Variants in HNF1B observed in about 807,000 individuals in gnomAD.
HNF1B encodes the protein hepatocyte nuclear factor 1-beta.
Under a neutral mutation model 61.7 loss-of-function variants are expected in HNF1B, and 8 were observed. That is an observed-to-expected ratio of 0.13 (90% CI 0.08 to 0.23). HNF1B has a LOEUF of 0.23. HNF1B is among the 10% of genes least tolerant of loss of function. The pLI is 1.00. For missense variants in HNF1B, 562 were observed against 714.5 expected (o/e 0.79, Z 2.43); for synonymous variants, 314 against 287.7 (o/e 1.09, Z -0.93).
intron 3 of HNF1B, among the ~76,000 whole-genome samples, 191 bp from the exon 4 acceptor site, chr17:37,732,021 G>A (rs535075088): frequency 6.6e-6 from 1 of 152,334 alleles, no homozygotes; most frequent in Admixed American, 6.5e-5. Flanking sequence ...GAAGATGGCT[G>A]AAGTGGGCCT....
chr17:37,701,911 T>C (rs1373081804), intron 6 of HNF1B, among the ~76,000 whole-genome samples: 1 of 152,226 alleles, frequency 6.6e-6, no homozygotes, highest in African/African-American at 2.4e-5. Flanking sequence ...CCCATCTTTC[T>C]GTTCTGGAGA....
At chr17:37,719,625 A>C (rs2033241721) in intron 4 of HNF1B, among the ~76,000 whole-genome samples, 1 of 152,220 alleles carries the variant, frequency 6.6e-6, no homozygotes, top group Non-Finnish European at 1.5e-5. Flanking sequence ...TATGGCTGCA[A>C]CAAAGGCCTC....
At chr17:37,723,209 T>C (rs1348687011) in intron 4 of HNF1B, among the ~76,000 whole-genome samples, 14 of 148,086 alleles carry the variant, frequency 9.5e-5, no homozygotes, top group Non-Finnish European at 1.5e-4. Context: ...TAGCCGGGCG[T>C]GGTGGTGGAC....
At chr17:37,717,832 G>C (rs1274992863) in intron 4 of HNF1B, among the ~76,000 whole-genome samples, 1 of 152,214 alleles carries the variant, frequency 6.6e-6, no homozygotes, top group Non-Finnish European at 1.5e-5. Flanking sequence ...ACTTTTGCTA[G>C]TTCTTATTAA....
chr17:37,691,750 T>C (rs1208516867), intron 8 of HNF1B, among the ~76,000 whole-genome samples: 4 of 152,162 alleles, frequency 2.6e-5, no homozygotes, highest in Non-Finnish European at 5.9e-5. Context: ...TGGTAGAATG[T>C]TGAGCCCAGA....
At chr17:37,717,511 A>G (rs113215785) in intron 4 of HNF1B, among the ~76,000 whole-genome samples, 1 of 152,238 alleles carries the variant, frequency 6.6e-6, no homozygotes, top group East Asian at 1.9e-4. Context: ...CATTGTTCAT[A>G]AATTATGAGT....
chr17:37,744,902 AG>A lies in HNF1B; in HGVS notation c.-19del. ...GACACCATTTTCCAAGGACGGAAAAAGAAGGGGGTGAGGGGGTGGGTGGGTG... is the reference window on the plus strand; with the variant it reads ...GACACCATTTTCCAAGGACGGAAAAAAAGGGGGTGAGGGGGTGGGTGGGTG... On this transcript the variant is annotated 5_prime_UTR_variant, in exon 1 of 9. Transcript: ENST00000617811. 3.1e-6 allele frequency: 2 copies of A among 652,588 alleles called. No homozygotes were observed. Among genetic ancestry groups the A allele is most frequent in the Non-Finnish European group, 5.4e-6 (2 of 369,820 alleles). 40.4% of individuals were successfully genotyped at this position (652,588 alleles called of 1,614,324 possible).
At chr17:37,714,858 T>C (rs1464213687) in intron 4 of HNF1B, among the ~76,000 whole-genome samples, 1 of 152,104 alleles carries the variant, frequency 6.6e-6, no homozygotes, top group Non-Finnish European at 1.5e-5. Flanking sequence ...GATATCTTTC[T>C]AAAACAAAGT....
Position 37,739,590 on chromosome 17 carries a change from G to A in HNF1B, c.394C>T (p.His132Tyr). ...ACCACCTCCCTCTGGGGGATGTTGT[G>A]TTGCTGCATGTAACCCTTGATCATT... ...AKMIKGYMQQ[H>Y]NIPQREVVDV... Residue 132 changes from histidine to tyrosine, a missense_variant, in exon 2 of 9, where the codon CAC becomes TAC. His to Tyr is a moderately conservative substitution (Grantham distance 83). This residue lies in a region of HNF1B where 16 missense variants were observed against 66.3 expected (regional missense o/e 0.24). Transcript: ENST00000617811. 1 of 1,614,112 alleles carries A rather than the reference G, an allele frequency of 6.2e-7. No individual in the cohort carries two copies.
intron 6 of HNF1B, among the ~76,000 whole-genome samples, chr17:37,701,502 C>T (rs1235636620): frequency 6.6e-6 from 1 of 152,236 alleles, no homozygotes; most frequent in African/African-American, 2.4e-5. Context: ...TACCTGCCCA[C>T]TCCATCCATG....
intron 1 of HNF1B, among the ~76,000 whole-genome samples, chr17:37,744,321 C>T (rs2034097467): frequency 6.6e-6 from 1 of 152,250 alleles, no homozygotes; most frequent in African/African-American, 2.4e-5. Flanking sequence ...GTCTCGGACG[C>T]TGGCCTGGGC....
At chr17:37,722,992 C>T (rs949965916) in intron 4 of HNF1B, among the ~76,000 whole-genome samples, 7 of 152,028 alleles carry the variant, frequency 4.6e-5, no homozygotes, top group African/African-American at 1.7e-4. Context: ...GTTCCCAGGG[C>T]TAATTACTAA....
chr17:37,699,716 T>C (rs2032502068), intron 7 of HNF1B, among the ~76,000 whole-genome samples: 2 of 152,094 alleles, frequency 1.3e-5, no homozygotes, highest in African/African-American at 4.8e-5. Flanking sequence ...GGAAGGGAAG[T>C]GGGGCACATG....
chr17:37,745,013 C>T lies in HNF1B; in HGVS notation c.-129G>A. ...CCCTTCAGCCTCCAGACACCTGTTA[C>T]TCCCCGGGGTCCCGGAGGCTCCTCC... On this transcript the variant is annotated 5_prime_UTR_variant, in exon 1 of 9. Transcript: ENST00000617811. The T allele has an allele frequency of 1.3e-6, 1 of 779,334 alleles. No individual in the cohort carries two copies. The highest frequency in any genetic ancestry group is 2.1e-6 in the Non-Finnish European group (1 of 480,488). 48.3% of individuals were successfully genotyped at this position (779,334 alleles called of 1,614,324 possible). A position where few individuals can be genotyped will look rare whatever the true frequency, so the allele number is the denominator to read the frequency against.
intron 4 of HNF1B, among the ~76,000 whole-genome samples, chr17:37,712,134 A>T (rs1039545989): frequency 6.6e-6 from 1 of 152,212 alleles, no homozygotes; most frequent in Non-Finnish European, 1.5e-5. Context: ...AACCTTCAAG[A>T]GCAACTTGTC....
chr17:37,723,070 T>C (rs1366849965), intron 4 of HNF1B, among the ~76,000 whole-genome samples: 1 of 151,774 alleles, frequency 6.6e-6, no homozygotes, highest in Non-Finnish European at 1.5e-5. Context: ...CCGGGCGCGG[T>C]GGCTCACGGC....
chr17:37,727,398 C>A (rs1027173408), intron 4 of HNF1B, among the ~76,000 whole-genome samples: 1 of 152,126 alleles, frequency 6.6e-6, no homozygotes, highest in African/African-American at 2.4e-5. Context: ...TAACTTCAGG[C>A]CCCCAAGAAG....
intron 1 of HNF1B, among the ~76,000 whole-genome samples, chr17:37,740,481 CAG>C (rs777213837): frequency 2.7e-4 from 41 of 152,312 alleles, no homozygotes; most frequent in Admixed American, 1.4e-3. Flanking sequence ...TCTTATAAAA[CAG>C]GGGTGAAATG....
At chr17:37,740,861 A>G (rs1174648264) in intron 1 of HNF1B, among the ~76,000 whole-genome samples, 1 of 152,264 alleles carries the variant, frequency 6.6e-6, no homozygotes, top group African/African-American at 2.4e-5. Context: ...TTATTTGTCT[A>G]GAATGGTTTC....
Sources: allele counts gnomAD v4.1 joint callset (sites outside exome capture counted in the v4.1 genomes callset), GRCh38; gene constraint gnomAD v4.1.1; regional missense constraint gnomAD v4.1.1; transcripts MANE v1.5; gene names NCBI Gene and HGNC (gene_info 2026-07-23, HGNC 2026-07-21).